The following CNTNAP4 variants were observed in gnomAD, a reference collection of about 807,000 sequenced individuals.
CNTNAP4 encodes contactin-associated protein-like 4.
A neutral mutation model predicts 148.4 loss-of-function variants in CNTNAP4; 98 were observed. The observed-to-expected ratio is 0.66, with a 90% confidence interval of 0.56 to 0.78. The LOEUF (loss-of-function observed/expected upper bound fraction) is 0.78. CNTNAP4 is among the 30% of genes least tolerant of loss of function. CNTNAP4 has a pLI of 0.00. For synonymous variants in CNTNAP4, 730 were observed against 565.1 expected (o/e 1.29, Z -4.14); for missense variants, 1,935 against 1,565.6 (o/e 1.24, Z -3.98).
At chr16:76,434,945 T>G (rs2079762668) in intron 4 of CNTNAP4, among the ~76,000 whole-genome samples, 1 of 152,140 alleles carries the variant, frequency 6.6e-6, no homozygotes, top group Non-Finnish European at 1.5e-5. Context: ...CAATGATGTT[T>G]TAGGTCCCCT....
chr16:76,542,563 G>A (rs1305228821), intron 21 of CNTNAP4, among the ~76,000 whole-genome samples: 2 of 152,080 alleles, frequency 1.3e-5, no homozygotes, highest in South Asian at 4.1e-4. Context: ...AAAGGGATGA[G>A]AGCCCCAGAG....
intron 11 of CNTNAP4, among the ~76,000 whole-genome samples, chr16:76,477,382 A>G (rs955465157): frequency 2.0e-5 from 3 of 152,074 alleles, no homozygotes; most frequent in African/African-American, 7.2e-5. Context: ...ATTACCTCCT[A>G]TATCCTTGAT....
At chr16:76,428,393 C>G (rs994930049) in intron 4 of CNTNAP4, among the ~76,000 whole-genome samples, 1 of 151,262 alleles carries the variant, frequency 6.6e-6, no homozygotes, top group African/African-American at 2.4e-5. Context: ...TGGAAGAGAA[C>G]CCAGGACTGC....
rs1206697122 is a variant in CNTNAP4 at position 76,467,618 on chromosome 16, C to G, written c.1655+95C>G. 1.0e-5 allele frequency: 10 copies of G among 1,000,036 alleles called. No individual in the cohort carries two copies. The Admixed American group carries it at 2.7e-4, about 27-fold the overall frequency. The allele number at this position is 1,000,036 out of a possible 1,614,324, so 61.9% of individuals were successfully genotyped here. A position where few individuals can be genotyped will look rare whatever the true frequency, so the allele number is the denominator to read the frequency against. ...ATGAACAATTATTCTTTCCTCTTCCCCATTCTTATCTGTTCCACAGGAAAT... is the reference window on the plus strand; with the variant it reads ...ATGAACAATTATTCTTTCCTCTTCCGCATTCTTATCTGTTCCACAGGAAAT... On this transcript the variant is annotated intron_variant, in intron 10 of 23. Coordinates refer to ENST00000611870, the MANE Select transcript of CNTNAP4 (RefSeq NM_033401.5).
chr16:76,454,973 A>G (rs1364612863), intron 8 of CNTNAP4, among the ~76,000 whole-genome samples: 4 of 152,210 alleles, frequency 2.6e-5, no homozygotes, highest in African/African-American at 9.6e-5. Flanking sequence ...AAAGAACTGA[A>G]TTGTGCAAAT....
At chr16:76,377,847 C>T (rs569638437) in intron 3 of CNTNAP4, among the ~76,000 whole-genome samples, 1 of 152,254 alleles carries the variant, frequency 6.6e-6, no homozygotes, top group African/African-American at 2.4e-5. Context: ...GAAAAGTTAG[C>T]ACACTGCACC....
In CNTNAP4 at chr16:76,355,512, G is replaced by C. The variant is rs1160399637; in HGVS notation, c.390+1G>C. 1 of 1,594,964 alleles carries C rather than the reference G, an allele frequency of 6.3e-7. No individual in the cohort carries two copies. Among genetic ancestry groups the C allele is most frequent in the East Asian group, 2.3e-5 (1 of 44,110 alleles). On this transcript the variant is annotated splice_donor_variant, in intron 3 of 23. Transcript: ENST00000611870. LOFTEE classifies it high-confidence loss of function. The stretch of plus-strand genomic sequence containing the variant: ...ATATCGCCAAGAGGACAGCATCTGG[G>C]TATGTTCTTTAACAAAAGACATAGT...
intron 3 of CNTNAP4, among the ~76,000 whole-genome samples, chr16:76,378,996 C>G (rs1478963810): frequency 6.6e-6 from 1 of 152,158 alleles, no homozygotes; most frequent in Non-Finnish European, 1.5e-5. Context: ...TTTGTGACTT[C>G]AGACTCAAAA....
intron 4 of CNTNAP4, among the ~76,000 whole-genome samples, chr16:76,445,426 T>A (rs561572117): frequency 4.6e-5 from 7 of 152,294 alleles, no homozygotes; most frequent in Non-Finnish European, 7.4e-5. Context: ...GGCACACTGA[T>A]TCAAACGTGA....
Position 76,497,967 on chromosome 16 carries a change from A to G in CNTNAP4, c.2238-600A>G, listed in dbSNP as rs1019780986. 2.2e-4 allele frequency among the ~76,000 whole-genome samples: 34 copies of G among 152,260 alleles called. 1 individual carries two copies. Among genetic ancestry groups the G allele is most frequent in the Non-Finnish European group, 3.4e-4 (23 of 68,042 alleles). ...CAATCATTACACTAAATGTTAATGT[A>G]TTAACCAATTCCAGTAAAAAGGTAG... On this transcript the variant is annotated intron_variant, in intron 14 of 23. Coordinates refer to ENST00000611870, the MANE Select transcript of CNTNAP4 (RefSeq NM_033401.5).
chr16:76,533,867 T>TAA (rs2084098444), intron 17 of CNTNAP4, among the ~76,000 whole-genome samples: 1 of 152,194 alleles, frequency 6.6e-6, no homozygotes, highest in African/African-American at 2.4e-5. Context: ...CTTAAGACCT[T>TAA]GGCATCCTTC....
intron 3 of CNTNAP4, 47 bp from the exon 4 acceptor site, chr16:76,427,405 G>T: frequency 6.5e-7 from 1 of 1,534,928 alleles, no homozygotes; most frequent in Non-Finnish European, 8.8e-7. Context: ...AAGCTGAAAT[G>T]GATGTTCTCC....
At chr16:76,353,700 C>G (rs1015311612) in intron 2 of CNTNAP4, among the ~76,000 whole-genome samples, 1 of 152,070 alleles carries the variant, frequency 6.6e-6, no homozygotes, top group Non-Finnish European at 1.5e-5. Flanking sequence ...TCCAGTTTAC[C>G]CTTATGCTGT....
intron 4 of CNTNAP4, 109 bp downstream of exon 4, chr16:76,427,708 A>G (rs1480125882): frequency 2.9e-6 from 3 of 1,030,888 alleles, no homozygotes; most frequent in Non-Finnish European, 4.1e-6. Flanking sequence ...GGTATAAAAA[A>G]TAGGAATAAT....
At chr16:76,289,802 C>T (rs1959039987) in intron 1 of CNTNAP4, among the ~76,000 whole-genome samples, 1 of 152,002 alleles carries the variant, frequency 6.6e-6, no homozygotes, top group Admixed American at 6.6e-5. Flanking sequence ...AACTGCTGGA[C>T]TCAAGTGATC....
intron 13 of CNTNAP4, 72 bp from the exon 14 acceptor site, chr16:76,494,838 A>G (rs1305454289): frequency 9.1e-6 from 13 of 1,423,938 alleles, no homozygotes; most frequent in Non-Finnish European, 1.2e-5. Context: ...TTTTGGAAGA[A>G]AAGGAATTAT....
chr16:76,465,369 T>C (rs1360251286), intron 9 of CNTNAP4, among the ~76,000 whole-genome samples: 9 of 152,170 alleles, frequency 5.9e-5, no homozygotes, highest in African/African-American at 2.2e-4. Flanking sequence ...GTTCATAGAA[T>C]CTCTTGCTTA....
chr16:76,306,106 T>C (rs974696803), intron 1 of CNTNAP4, among the ~76,000 whole-genome samples: 1 of 152,186 alleles, frequency 6.6e-6, no homozygotes, highest in African/African-American at 2.4e-5. Context: ...TTCTGAACAG[T>C]ATGGTGATGA....
chr16:76,393,176 C>T (rs573545935), intron 3 of CNTNAP4, among the ~76,000 whole-genome samples: 1 of 152,284 alleles, frequency 6.6e-6, no homozygotes, highest in African/African-American at 2.4e-5. Context: ...CTAGCCTTAT[C>T]TTATGGTTGC....
Sources: gnomAD v4.1 joint callset for allele counts (sites outside exome capture counted in the v4.1 genomes callset) on GRCh38, gnomAD v4.1.1 for gene constraint, MANE v1.5 for transcripts, NCBI Gene and HGNC (gene_info 2026-07-23, HGNC 2026-07-21) for gene names.